Variants in GLIPR2 observed in about 807,000 individuals in gnomAD.
GLIPR2 encodes GLI pathogenesis related 2.
Under a neutral mutation model 20.4 loss-of-function variants are expected in GLIPR2, and 21 were observed. The ratio of observed to expected loss-of-function variants is 1.03; its 90% CI spans 0.73 to 1.48. The LOEUF is 1.48. Among genes scored for constraint, GLIPR2 ranks in the 40% most tolerant of loss-of-function variants. The pLI, the probability that GLIPR2 is intolerant of heterozygous loss-of-function variation, is 0.00. For synonymous variants in GLIPR2, 91 were observed against 80.5 expected, an observed-to-expected ratio of 1.13 and a Z score of -0.70; for missense variants, 205 against 200.1, an observed-to-expected ratio of 1.02 and a Z score of -0.15.
In GLIPR2 at chr9:36,136,756, G is replaced by T; in HGVS notation, c.-23G>T. ...GCGCAGTGCAGCGCAGCCGCGGGGA[G>T]CGAGGAGCGCGCGGAGCCGGCCATG... On this transcript the variant is annotated 5_prime_UTR_variant, in exon 1 of 5. Coordinates refer to ENST00000377960, the MANE Select transcript of GLIPR2 (RefSeq NM_022343.4). The surrounding 1 kb of genome is among the most constrained non-coding windows in gnomAD (Gnocchi z 4.3). The T allele has an allele frequency of 7.8e-7, 1 of 1,286,378 alleles. No homozygotes were observed. Among genetic ancestry groups the T allele is most frequent in the South Asian group, 2.5e-5 (1 of 40,488 alleles). The allele number at this position is 1,286,378 out of a possible 1,614,324, so 79.7% of individuals were successfully genotyped here. A position where few individuals can be genotyped will look rare whatever the true frequency, so the allele number is the denominator to read the frequency against.
Position 36,148,564 on chromosome 9 carries a change from C to T in GLIPR2, c.140C>T (p.Ala47Val), listed in dbSNP as rs1404543637. The T allele has an allele frequency of 6.2e-7, 1 of 1,613,608 alleles. No individual in the cohort carries two copies. Among genetic ancestry groups the T allele is most frequent in the Non-Finnish European group, 8.5e-7 (1 of 1,179,644 alleles). Residue 47 changes from alanine (A) to valine (V), a missense_variant, in exon 3 of 5, where the codon GCC (alanine) becomes GTC (valine). Physicochemically the swap from Ala to Val is moderately conservative, Grantham distance 64. Transcript: ENST00000377960. ...REAQQYSEAL[A>V]STRILKHSPE... ...CTCTGCAGGTATTCTGAGGCCCTGG[C>T]CAGCACGAGGATCCTCAAGCACAGC...
chr9:36,150,752 G>T, intron 3 of GLIPR2, 120 bp from the exon 4 acceptor site: 1 of 693,880 alleles, frequency 1.4e-6, no homozygotes, highest in East Asian at 2.6e-5. Flanking sequence ...CAGCTGACTG[G>T]GGCTTTCTCA....
chr9:36,136,734 C>T lies in GLIPR2; in HGVS notation c.-45C>T. On this transcript the variant is annotated 5_prime_UTR_variant, in exon 1 of 5. Coordinates refer to ENST00000377960, the MANE Select transcript of GLIPR2 (RefSeq NM_022343.4). This position sits in a 1 kb window ranked among gnomAD's most constrained non-coding sequence, Gnocchi z 4.3. ...GGGGCGGCGCTGGGCCGGGCGAGCG[C>T]AGTGCAGCGCAGCCGCGGGGAGCGA... 1 of 1,227,342 alleles carries T rather than the reference C, an allele frequency of 8.1e-7. No homozygotes were observed. The highest frequency in any genetic ancestry group is 1.0e-6 in the Non-Finnish European group (1 of 979,080). 76.0% of individuals were successfully genotyped at this position (1,227,342 alleles called of 1,614,324 possible).
chr9:36,158,092 C>T (rs866839350), intron 4 of GLIPR2, among the ~76,000 whole-genome samples: 5 of 152,176 alleles, frequency 3.3e-5, no homozygotes, highest in Admixed American at 1.3e-4. Context: ...GGATTACAGG[C>T]GTGAGCCACT....
chr9:36,158,737 G>A (rs1359644421), intron 4 of GLIPR2, among the ~76,000 whole-genome samples: 1 of 152,196 alleles, frequency 6.6e-6, no homozygotes, highest in Non-Finnish European at 1.5e-5. Flanking sequence ...CCATAAAGAT[G>A]GAAGGGATGA....
intron 4 of GLIPR2, among the ~76,000 whole-genome samples, chr9:36,153,623 AG>A (rs1467929668): frequency 6.6e-6 from 1 of 152,110 alleles, no homozygotes; most frequent in Non-Finnish European, 1.5e-5. Flanking sequence ...CCCTTTGGCC[AG>A]GTGCGGTGGC....
intron 4 of GLIPR2, among the ~76,000 whole-genome samples, chr9:36,157,484 T>C (rs1479441934): frequency 6.6e-6 from 1 of 150,988 alleles, no homozygotes; most frequent in Admixed American, 6.6e-5. Context: ...GTAGCTGGGG[T>C]TACAGGCACC....
intron 4 of GLIPR2, among the ~76,000 whole-genome samples, chr9:36,155,337 G>A (rs1423961139): frequency 5.9e-5 from 9 of 152,354 alleles, no homozygotes; most frequent in African/African-American, 2.2e-4. Context: ...GCTCATGCCT[G>A]TAATCCCAGC....
At chr9:36,146,395 G>A (rs1385002277) in intron 1 of GLIPR2, among the ~76,000 whole-genome samples, 1 of 152,102 alleles carries the variant, frequency 6.6e-6, no homozygotes, top group Non-Finnish European at 1.5e-5. Context: ...TTCTGCCCCT[G>A]GCTCCCCAAA....
At chr9:36,139,303 C>T (rs908557052) in intron 1 of GLIPR2, among the ~76,000 whole-genome samples, 4 of 152,018 alleles carry the variant, frequency 2.6e-5, no homozygotes, top group African/African-American at 9.7e-5. Flanking sequence ...AGGCCACCTC[C>T]ACCCCTAACA....
chr9:36,151,166 G>A, intron 4 of GLIPR2: 1 of 571,726 alleles, frequency 1.7e-6, no homozygotes, highest in South Asian at 2.0e-5. Context: ...CTCCCTCTGA[G>A]GGCCACCAGC....
intron 1 of GLIPR2, among the ~76,000 whole-genome samples, chr9:36,141,087 T>C (rs948347824): frequency 9.2e-5 from 14 of 152,306 alleles, no homozygotes; most frequent in African/African-American, 3.1e-4. Context: ...TAATAATCAT[T>C]ACAGTTGGCA....
intron 1 of GLIPR2, among the ~76,000 whole-genome samples, chr9:36,140,818 C>T (rs555192832): frequency 6.6e-6 from 1 of 152,256 alleles, no homozygotes; most frequent in Admixed American, 6.5e-5. Flanking sequence ...GCGCATGCCC[C>T]CCACCATCCA....
chr9:36,157,391 G>C (rs1470728160), intron 4 of GLIPR2, among the ~76,000 whole-genome samples: 1 of 150,760 alleles, frequency 6.6e-6, no homozygotes, highest in Non-Finnish European at 1.5e-5. Flanking sequence ...CTGTCGCCCA[G>C]GCTGGAGTGC....
intron 1 of GLIPR2, 141 bp from the exon 2 acceptor site, chr9:36,147,645 G>A (rs1825388192): frequency 1.5e-6 from 1 of 667,428 alleles, no homozygotes; most frequent in Admixed American, 1.9e-5. Flanking sequence ...CCACTTGGCT[G>A]GGGTGCCAGG....
chr9:36,147,847 C>T lies in GLIPR2; in HGVS notation c.75C>T (p.Gly25=), dbSNP rs751838888. The T allele has an allele frequency of 6.9e-6, 11 of 1,597,836 alleles. No homozygotes were observed. Among genetic ancestry groups the T allele is most frequent in the Non-Finnish European group, 9.4e-6 (11 of 1,165,318 alleles). Residue 25 remains glycine (G), a synonymous_variant, in exon 2 of 5, where the codon GGC becomes GGT. Transcript: ENST00000377960. ...KAHNEYRQKH[G]VPPLKLCKNL... ...ACAATGAGTACCGGCAGAAGCACGG[C>T]GTCCCCCCACTGAAGCTCTGCAAGA...
chr9:36,158,241 C>T (rs1825921981), intron 4 of GLIPR2, among the ~76,000 whole-genome samples: 1 of 152,192 alleles, frequency 6.6e-6, no homozygotes, highest in South Asian at 2.1e-4. Flanking sequence ...CATTGCAATT[C>T]TGTTTAATTT....
intron 4 of GLIPR2, among the ~76,000 whole-genome samples, chr9:36,153,558 G>A (rs1006955876): frequency 3.9e-5 from 6 of 152,102 alleles, no homozygotes; most frequent in African/African-American, 1.4e-4. Flanking sequence ...CTGCATCTCT[G>A]TTCATGGATT....
rs757517588 is a variant in GLIPR2, at chr9:36,148,670, CCT to C, written c.226+24_226+25del. On this transcript the variant is annotated intron_variant, in intron 3 of 4. Coordinates refer to ENST00000377960, the MANE Select transcript of GLIPR2 (RefSeq NM_022343.4). ...AGACAGGTGGGTCGCATTTTCAGCT[CCT>C]CTCCTCTCTGCGGGAGCTGGAAGAA... 1 of 1,518,768 alleles carries C rather than the reference CCT, an allele frequency of 6.6e-7. No homozygotes were observed. The allele number at this position is 1,518,768 out of a possible 1,614,324, so 94.1% of individuals were successfully genotyped here. A position where few individuals can be genotyped will look rare whatever the true frequency, so the allele number is the denominator to read the frequency against.
Sources: gnomAD v4.1 joint callset for allele counts (sites outside exome capture counted in the v4.1 genomes callset) on GRCh38, gnomAD v4.1.1 for gene constraint, Gnocchi (gnomAD v3.1) non-coding constraint, MANE v1.5 for transcripts, NCBI Gene and HGNC (gene_info 2026-07-23, HGNC 2026-07-21) for gene names.